XKR6: variants seen among roughly 807,000 people sequenced by gnomAD.
The protein encoded by XKR6 is XK related 6, also known as XK-related protein 6.
Under a neutral mutation model 56.7 loss-of-function variants are expected in XKR6, and 22 were observed. The ratio of observed to expected loss-of-function variants is 0.39; its 90% confidence interval spans 0.28 to 0.55. The LOEUF (loss-of-function observed/expected upper bound fraction) is 0.55. Among genes scored for constraint, XKR6 ranks in the 20% least tolerant of loss-of-function variants. The probability of loss-of-function intolerance (pLI) is 0.66; values close to 1 mark genes in which losing one functional copy is unlikely to be tolerated. For synonymous variants in XKR6, 524 were observed against 387.8 expected (o/e 1.35, Z -4.13); for missense variants, 852 against 889.0 (o/e 0.96, Z 0.53).
chr8:10,972,732 T>C (rs1375220167), intron 1 of XKR6, among the ~76,000 whole-genome samples: 1 of 152,208 alleles, frequency 6.6e-6, no homozygotes, highest in East Asian at 1.9e-4. Context: ...AGTCATTGTT[T>C]AGTGGGTACA....
At chr8:11,110,629 A>T (rs1185863314) in intron 1 of XKR6, among the ~76,000 whole-genome samples, 2 of 152,108 alleles carry the variant, frequency 1.3e-5, no homozygotes, top group Non-Finnish European at 2.9e-5. Flanking sequence ...CAATTACTTG[A>T]CCATCATATG....
At chr8:11,097,483 T>A (rs748940166) in intron 1 of XKR6, among the ~76,000 whole-genome samples, 160 of 85,744 alleles carry the variant, frequency 1.9e-3, no homozygotes, top group African/African-American at 4.5e-3. Context: ...TTTTTTTTTT[T>A]AAAAAAAAAA....
rs544944520 is a variant in XKR6, at chr8:10,956,417, A to C, written c.765-31587T>G. Among the ~76,000 whole-genome samples the C allele has an allele frequency of 5.3e-4, 81 of 152,282 alleles. 1 individual carries two copies. Among genetic ancestry groups the C allele is most frequent in the African/African-American group, 1.9e-3 (78 of 41,552 alleles). ...CTGCAGGATCTGCCCAACACCCCAT[A>C]CAAAGCAGGCACTGCACCTACCCCT... On this transcript the variant is annotated intron_variant, in intron 1 of 2. Transcript: ENST00000416569.
chr8:11,026,730 T>C (rs1239022326), intron 1 of XKR6, among the ~76,000 whole-genome samples: 1 of 151,950 alleles, frequency 6.6e-6, no homozygotes, highest in Non-Finnish European at 1.5e-5. Context: ...TCTAGCCTAC[T>C]ACACACTTAG....
At chr8:11,184,424 T>C (rs544530374) in intron 1 of XKR6, among the ~76,000 whole-genome samples, 1 of 151,014 alleles carries the variant, frequency 6.6e-6, no homozygotes, top group South Asian at 2.1e-4. Flanking sequence ...CACACACTTA[T>C]ATTACATTTA....
At chr8:10,963,428 G>C (rs924786845) in intron 1 of XKR6, among the ~76,000 whole-genome samples, 1 of 152,122 alleles carries the variant, frequency 6.6e-6, no homozygotes, top group African/African-American at 2.4e-5. Context: ...GCTTTGCTTC[G>C]ATACCTGCCT....
rs552782714 is a variant in XKR6, at chr8:11,201,431, G to A, written c.-92C>T. 9.3e-5 allele frequency: 45 copies of A among 486,336 alleles called. No individual in the cohort carries two copies. Among genetic ancestry groups the A allele is most frequent in the Admixed American group, 8.2e-4 (20 of 24,308 alleles). 30.1% of individuals were successfully genotyped at this position (486,336 alleles called of 1,614,324 possible). A position where few individuals can be genotyped will look rare whatever the true frequency, so the allele number is the denominator to read the frequency against. On this transcript the variant is annotated 5_prime_UTR_variant, in exon 1 of 3. Transcript: ENST00000416569. The stretch of plus-strand genomic sequence containing the variant: ...GGAACGGGGAGGGGGGGAAACGAAT[G>A]GAGAGGAAGGGGGGCGGGGAGGAAG...
intron 1 of XKR6, among the ~76,000 whole-genome samples, chr8:11,001,922 C>T (rs1356336471): frequency 2.6e-5 from 4 of 152,186 alleles, no homozygotes; most frequent in Admixed American, 6.5e-5. Context: ...TCTCCAGCCC[C>T]ACCATACCCG....
chr8:10,996,344 G>T (rs77084049), intron 1 of XKR6, among the ~76,000 whole-genome samples: 2 of 152,210 alleles, frequency 1.3e-5, no homozygotes, highest in Non-Finnish European at 2.9e-5. Context: ...AATTTCTGCC[G>T]CTGCTGACAA....
chr8:10,944,598 C>A (rs997359161), intron 1 of XKR6, among the ~76,000 whole-genome samples: 9 of 152,200 alleles, frequency 5.9e-5, no homozygotes, highest in Non-Finnish European at 1.3e-4. Flanking sequence ...AATAGTGCAC[C>A]CATGTAGTCG....
intron 2 of XKR6, among the ~76,000 whole-genome samples, chr8:10,917,893 G>A (rs894439688): frequency 1.1e-4 from 17 of 152,194 alleles, no homozygotes; most frequent in African/African-American, 3.9e-4. Flanking sequence ...TTTCTCAAAT[G>A]CTTGTTTCTA....
intron 1 of XKR6, among the ~76,000 whole-genome samples, chr8:11,147,907 AG>A (rs1801072431): frequency 1.3e-5 from 2 of 151,858 alleles, no homozygotes; most frequent in Admixed American, 6.6e-5. Context: ...GTCTTTAAAG[AG>A]GTAATTAAGC....
At chr8:11,021,749 T>C (rs1798754073) in intron 1 of XKR6, among the ~76,000 whole-genome samples, 1 of 152,190 alleles carries the variant, frequency 6.6e-6, no homozygotes, top group Non-Finnish European at 1.5e-5. Context: ...TTCACTTTCC[T>C]GCTTCATTCA....
At position 10,996,130 on chromosome 8, in the gene XKR6, T is replaced by A. The variant is rs146384642; in HGVS notation, c.765-71300A>T. ...CAATGCTTATAAAATGAAATACTTT[T>A]CTTCAGTAATCATTATCTGTTACCA... On this transcript the variant is annotated intron_variant, in intron 1 of 2. Coordinates refer to ENST00000416569, the MANE Select transcript of XKR6 (RefSeq NM_173683.4). Among the ~76,000 whole-genome samples the A allele has an allele frequency of 4.4e-3, 668 of 152,354 alleles. 3 individuals are homozygous for A. The highest frequency in any genetic ancestry group is 0.015 in the African/African-American group (626 of 41,580).
Position 11,201,340 on chromosome 8 carries a change from C to T in XKR6, c.-1G>A, listed in dbSNP as rs754885688. The stretch of plus-strand genomic sequence containing the variant: ...CACCGCCATCGGATTTCGCCGCCAT[C>T]TTGACTCTCTTCCCAGCTCCGGAGG... On this transcript the variant is annotated 5_prime_UTR_variant, in exon 1 of 3. Coordinates refer to ENST00000416569, the MANE Select transcript of XKR6 (RefSeq NM_173683.4). 3 of 1,305,310 alleles carry T rather than the reference C, an allele frequency of 2.3e-6. No homozygotes were observed. The highest frequency in any genetic ancestry group is 5.3e-5 in the East Asian group (1 of 18,836). 80.9% of individuals were successfully genotyped at this position (1,305,310 alleles called of 1,614,324 possible).
intron 1 of XKR6, chr8:11,123,976 A>C (rs1401137903): frequency 2.2e-6 from 1 of 456,122 alleles, no homozygotes. Context: ...GCTCAGAGGC[A>C]CTGCCGTGAG....
At chr8:11,149,216 C>G (rs1350239832) in intron 1 of XKR6, among the ~76,000 whole-genome samples, 1 of 152,190 alleles carries the variant, frequency 6.6e-6, no homozygotes, top group Non-Finnish European at 1.5e-5. Flanking sequence ...TTACACACGC[C>G]TAGATGGCAT....
At chr8:10,991,312 A>C (rs564361744) in intron 1 of XKR6, among the ~76,000 whole-genome samples, 3 of 152,128 alleles carry the variant, frequency 2.0e-5, no homozygotes, top group Non-Finnish European at 4.4e-5. Context: ...CCAGGGTCAC[A>C]ATCCACTGTG....
At chr8:11,004,454 G>A (rs1467177684) in intron 1 of XKR6, among the ~76,000 whole-genome samples, 1 of 151,578 alleles carries the variant, frequency 6.6e-6, no homozygotes, top group African/African-American at 2.4e-5. Flanking sequence ...CAGCCTAGGC[G>A]ACACAGTGAG....
Sources: gnomAD v4.1 joint callset for allele counts (sites outside exome capture counted in the v4.1 genomes callset) on GRCh38, gnomAD v4.1.1 for gene constraint, MANE v1.5 for transcripts, NCBI Gene and HGNC (gene_info 2026-07-23, HGNC 2026-07-21) for gene names.